The following SETBP1 variants were observed in gnomAD, a reference collection of about 807,000 sequenced individuals.
SETBP1 encodes SET binding protein 1, also known as SET-binding protein.
A neutral mutation model predicts 101.0 loss-of-function variants in SETBP1; 9 were observed. The observed-to-expected ratio is 0.09, with a 90% CI of 0.05 to 0.16. The LOEUF is 0.16. SETBP1 is among the 10% of genes least tolerant of loss of function. The probability of loss-of-function intolerance (pLI) is 1.00; values close to 1 mark genes in which losing one functional copy is unlikely to be tolerated. For synonymous variants in SETBP1, 818 were observed against 788.5 expected (o/e 1.04, Z -0.63); for missense variants, 1,858 against 2,033.8 (o/e 0.91, Z 1.66).
chr18:44,995,681 T>C (rs753301152), intron 4 of SETBP1, among the ~76,000 whole-genome samples: 4 of 152,058 alleles, frequency 2.6e-5, no homozygotes, highest in African/African-American at 7.2e-5. Context: ...GGCTGGGAAG[T>C]CCAAAATCAA....
intron 4 of SETBP1, among the ~76,000 whole-genome samples, chr18:44,955,504 T>A (rs923298283): frequency 6.6e-6 from 1 of 152,238 alleles, no homozygotes; most frequent in Non-Finnish European, 1.5e-5. Context: ...TTGTGTATAG[T>A]GTGCTTCCAT....
At chr18:44,731,805 G>A (rs552344655) in intron 2 of SETBP1, among the ~76,000 whole-genome samples, 1 of 152,206 alleles carries the variant, frequency 6.6e-6, no homozygotes, top group East Asian at 1.9e-4. Flanking sequence ...TATCAAACGG[G>A]CATAATTCTA....
chr18:44,837,134 G>T (rs781166335), intron 2 of SETBP1, among the ~76,000 whole-genome samples: 2 of 152,180 alleles, frequency 1.3e-5, no homozygotes, highest in African/African-American at 2.4e-5. Context: ...ACCACACCAC[G>T]TAAGAGCCAA....
At chr18:44,731,510 A>G (rs887746172) in intron 2 of SETBP1, among the ~76,000 whole-genome samples, 4 of 152,092 alleles carry the variant, frequency 2.6e-5, no homozygotes, top group Non-Finnish European at 4.4e-5. Context: ...GATCTAACCA[A>G]ACTTAGAATT....
chr18:45,065,402 G>A lies in SETBP1; in HGVS notation c.*1704G>A, dbSNP rs1230482948. ...TTTCTAATGGGAATTAGAATATCTG[G>A]TTTACCTCCAAATTAAGTTTCTTTA... On this transcript the variant is annotated 3_prime_UTR_variant, in exon 6 of 6. Coordinates refer to ENST00000649279, the MANE Select transcript of SETBP1 (RefSeq NM_015559.3). 1 of 152,138 alleles carries A rather than the reference G, an allele frequency of 6.6e-6. No homozygotes were observed. Among genetic ancestry groups the A allele is most frequent in the Non-Finnish European group, 1.5e-5 (1 of 68,028 alleles). The allele number at this position is 152,138 out of a possible 1,614,324, so 9.4% of individuals were successfully genotyped here.
chr18:45,052,141 T>C (rs936185983), intron 5 of SETBP1, among the ~76,000 whole-genome samples: 1 of 152,150 alleles, frequency 6.6e-6, no homozygotes, highest in Non-Finnish European at 1.5e-5. Flanking sequence ...ATTCCAAGCA[T>C]GAATATGAAG....
At chr18:44,685,459 G>C (rs2068821214) in intron 1 of SETBP1, among the ~76,000 whole-genome samples, 2 of 152,168 alleles carry the variant, frequency 1.3e-5, no homozygotes, top group Non-Finnish European at 2.9e-5. Context: ...GACACAAGTT[G>C]GTGGCCAACC....
At chr18:44,978,802 G>A (rs9967209) in intron 4 of SETBP1, among the ~76,000 whole-genome samples, 148,609 of 152,288 alleles carry the variant, frequency 0.98, 72,527 homozygotes, top group East Asian at 1. Flanking sequence ...GCAGTGAGTT[G>A]GAGCTATTGG....
At chr18:44,805,721 A>G (rs1599152328) in intron 2 of SETBP1, among the ~76,000 whole-genome samples, 1 of 151,540 alleles carries the variant, frequency 6.6e-6, no homozygotes, top group East Asian at 1.9e-4. Context: ...CTTTTTCTTG[A>G]TTTCGCCATA....
intron 4 of SETBP1, among the ~76,000 whole-genome samples, chr18:44,972,614 A>G (rs1023579571): frequency 1.3e-5 from 2 of 152,138 alleles, no homozygotes; most frequent in African/African-American, 2.4e-5. Flanking sequence ...TTGGATTCCT[A>G]GGTATTTTAT....
At chr18:44,780,935 T>G (rs2071117129) in intron 2 of SETBP1, among the ~76,000 whole-genome samples, 1 of 152,138 alleles carries the variant, frequency 6.6e-6, no homozygotes, top group Admixed American at 6.5e-5. Context: ...ATGAGAAATC[T>G]GGCTGGCGGG....
intron 3 of SETBP1, among the ~76,000 whole-genome samples, chr18:44,880,386 A>G (rs1199542475): frequency 6.6e-6 from 1 of 152,210 alleles, no homozygotes; most frequent in African/African-American, 2.4e-5. Flanking sequence ...GGTCTGTGCC[A>G]GGCTTAATTG....
chr18:45,048,267 G>A (rs1486614977), intron 5 of SETBP1, among the ~76,000 whole-genome samples: 2 of 152,184 alleles, frequency 1.3e-5, no homozygotes. Flanking sequence ...TCAATGAAAT[G>A]AGAAAAGTGA....
At chr18:45,037,474 A>C (rs1178200151) in intron 4 of SETBP1, among the ~76,000 whole-genome samples, 1 of 152,140 alleles carries the variant, frequency 6.6e-6, no homozygotes, top group Non-Finnish European at 1.5e-5. Context: ...GCACGGTTCT[A>C]AGCTCTTTAC....
intron 4 of SETBP1, among the ~76,000 whole-genome samples, chr18:44,962,301 G>A (rs1246126266): frequency 6.6e-6 from 1 of 152,142 alleles, no homozygotes; most frequent in African/African-American, 2.4e-5. Context: ...ATATTTGAGG[G>A]GTACAGGAAG....
chr18:45,027,373 A>G (rs1234217336), intron 4 of SETBP1, among the ~76,000 whole-genome samples: 1 of 152,170 alleles, frequency 6.6e-6, no homozygotes, highest in African/African-American at 2.4e-5. Context: ...GTCTTGTCCA[A>G]GTTCATCTAA....
At chr18:44,908,241 A>G (rs1253542677) in intron 3 of SETBP1, among the ~76,000 whole-genome samples, 1 of 151,826 alleles carries the variant, frequency 6.6e-6, no homozygotes, top group African/African-American at 2.4e-5. Context: ...TTGTATTTTT[A>G]GTGGAGACAG....
intron 3 of SETBP1, among the ~76,000 whole-genome samples, chr18:44,917,168 G>A (rs1218488459): frequency 6.6e-6 from 1 of 152,238 alleles, no homozygotes; most frequent in Non-Finnish European, 1.5e-5. Context: ...TCAACCTTCT[G>A]TGTGGGATAG....
At chr18:44,996,613 T>C (rs975382892) in intron 4 of SETBP1, among the ~76,000 whole-genome samples, 15 of 152,248 alleles carry the variant, frequency 9.9e-5, no homozygotes, top group African/African-American at 3.6e-4. Flanking sequence ...TCCAAAGGGC[T>C]TTCCCATATG....
Sources: allele counts gnomAD v4.1 joint callset (sites outside exome capture counted in the v4.1 genomes callset), GRCh38; gene constraint gnomAD v4.1.1; transcripts MANE v1.5; gene names NCBI Gene and HGNC (gene_info 2026-07-23, HGNC 2026-07-21).